Variants in CHL1 observed in about 807,000 individuals in gnomAD.
The protein encoded by CHL1 is neural cell adhesion molecule L1-like protein.
In CHL1, 96 loss-of-function variants were observed where a neutral mutation model predicts 141.9. The ratio of observed to expected loss-of-function variants is 0.68; its 90% CI spans 0.57 to 0.80. The LOEUF is 0.80. Among genes scored for constraint, CHL1 ranks in the 30% least tolerant of loss-of-function variants. CHL1 has a pLI of 0.00. For missense variants in CHL1, 1,820 were observed against 1,457.2 expected (o/e 1.25, Z -4.05); for synonymous variants, 613 against 502.2 (o/e 1.22, Z -2.95).
chr3:395,796 C>G (rs954922706), intron 24 of CHL1, among the ~76,000 whole-genome samples: 14 of 152,204 alleles, frequency 9.2e-5, no homozygotes, highest in African/African-American at 3.4e-4. Context: ...AGACTGTGTT[C>G]TGGATGCTTT....
intron 2 of CHL1, among the ~76,000 whole-genome samples, chr3:311,848 G>C (rs1352262671): frequency 6.6e-6 from 1 of 152,080 alleles, no homozygotes; most frequent in Non-Finnish European, 1.5e-5. Flanking sequence ...GAATTTCACA[G>C]CTATATAAGT....
intron 2 of CHL1, among the ~76,000 whole-genome samples, chr3:302,769 T>TG (rs1698869688): frequency 1.3e-5 from 2 of 152,240 alleles, no homozygotes; most frequent in Non-Finnish European, 2.9e-5. Flanking sequence ...TTGTCAGTGT[T>TG]GGCTTTTGTT....
intron 23 of CHL1, 42 bp downstream of exon 23, chr3:391,839 A>G (rs1242615518): frequency 6.7e-7 from 1 of 1,503,268 alleles, no homozygotes; most frequent in African/African-American, 1.4e-5. Flanking sequence ...TTAATGTTTC[A>G]TTTTTTGGTT....
chr3:337,357 A>G (rs181869888), intron 5 of CHL1, among the ~76,000 whole-genome samples: 40 of 41,606 alleles, frequency 9.6e-4, no homozygotes, highest in African/African-American at 3.3e-3. Flanking sequence ...CGCCCGGCTA[A>G]TTTTTTTATA....
chr3:350,479 T>G (rs1188948618), intron 10 of CHL1, among the ~76,000 whole-genome samples: 1 of 152,196 alleles, frequency 6.6e-6, no homozygotes, highest in Non-Finnish European at 1.5e-5. Flanking sequence ...TGAAAGGAAT[T>G]ATTCTTTTTA....
At chr3:256,120 C>T (rs774877064) in intron 2 of CHL1, among the ~76,000 whole-genome samples, 40 of 152,116 alleles carry the variant, frequency 2.6e-4, no homozygotes, top group Admixed American at 1.8e-3. Context: ...ATATTCTAAG[C>T]GAAGTAAGGA....
In CHL1 at chr3:354,772, G is replaced by GT; in HGVS notation, c.1165+2dup. 1 of 1,613,352 alleles carries GT rather than the reference G, an allele frequency of 6.2e-7. No individual in the cohort carries two copies. The stretch of plus-strand genomic sequence containing the variant: ...AGAGTCAATGGCTCCCCAGTTGACA[G>GT]TAAGTTTAAAAACCAATTGCAATGC... On this transcript the variant is annotated splice_donor_variant, in intron 11 of 27. Coordinates refer to ENST00000256509, the MANE Select transcript of CHL1 (RefSeq NM_006614.4). LOFTEE classifies it high-confidence loss of function.
At chr3:314,273 T>C (rs577669880) in intron 2 of CHL1, among the ~76,000 whole-genome samples, 13 of 141,528 alleles carry the variant, frequency 9.2e-5, no homozygotes, top group African/African-American at 3.4e-4. Flanking sequence ...ATAGAAAGAT[T>C]AGCATAACCT....
intron 5 of CHL1, among the ~76,000 whole-genome samples, chr3:333,143 T>TTTTTTTTTTTTTTTTTTTTTTTA (rs1237327395): frequency 6.9e-6 from 1 of 144,756 alleles, no homozygotes; most frequent in Non-Finnish European, 1.5e-5. Context: ...ATTTTTTTTT[T>TTTTTTTTTTTTTTTTTTTTTTTA]TTGCTGCTGC....
chr3:336,299 T>C (rs1185027288), intron 5 of CHL1, among the ~76,000 whole-genome samples: 1 of 152,190 alleles, frequency 6.6e-6, no homozygotes, highest in Non-Finnish European at 1.5e-5. Flanking sequence ...TTCTATTTTG[T>C]TCCTAGAGTG....
At chr3:247,212 C>T (rs901837311) in intron 2 of CHL1, 5 of 151,786 alleles carry the variant, frequency 3.3e-5, no homozygotes, top group African/African-American at 9.7e-5. Flanking sequence ...CATTCAAATG[C>T]TTAGTTACAC....
intron 1 of CHL1, among the ~76,000 whole-genome samples, chr3:214,775 A>G (rs764878075): frequency 2.0e-5 from 3 of 152,226 alleles, no homozygotes; most frequent in Admixed American, 6.5e-5. Flanking sequence ...TTCAATAGGA[A>G]TAAGTCCTCA....
In CHL1 at chr3:399,427, G is replaced by A. The variant is rs575687417; in HGVS notation, c.3385+279G>A. Among the ~76,000 whole-genome samples, 6 of 152,166 alleles carry A rather than the reference G, an allele frequency of 3.9e-5. No homozygotes were observed. In the South Asian group the frequency reaches 6.2e-4, roughly 16 times the overall value. On this transcript the variant is annotated intron_variant, in intron 26 of 27. Transcript: ENST00000256509. The stretch of plus-strand genomic sequence containing the variant: ...GAGGCCGAGGTGGGCGGATCATGAG[G>A]TCAGGAGATCGAGACCATCCTGGCC...
intron 9 of CHL1, 83 bp from the exon 10 acceptor site, chr3:349,276 A>G: frequency 8.3e-7 from 1 of 1,210,880 alleles, no homozygotes; most frequent in Non-Finnish European, 1.2e-6. Context: ...AAGCACCCTG[A>G]TAAAGGATGT....
intron 5 of CHL1, among the ~76,000 whole-genome samples, chr3:339,927 T>A (rs753215840): frequency 1.3e-5 from 2 of 152,146 alleles, no homozygotes; most frequent in African/African-American, 2.4e-5. Context: ...AAGATCCTTC[T>A]CCTCCACAAG....
At chr3:204,078 A>T (rs1031742474) in intron 1 of CHL1, among the ~76,000 whole-genome samples, 4 of 152,214 alleles carry the variant, frequency 2.6e-5, no homozygotes, top group East Asian at 1.9e-4. Context: ...GGGCATGCTC[A>T]TATTCAGTGG....
intron 13 of CHL1, among the ~76,000 whole-genome samples, chr3:362,979 C>A (rs962273017): frequency 6.6e-6 from 1 of 152,086 alleles, no homozygotes; most frequent in African/African-American, 2.4e-5. Context: ...GTGGCTATGA[C>A]AAATACAGCA....
At chr3:301,777 T>G (rs2124907172) in intron 2 of CHL1, among the ~76,000 whole-genome samples, 1 of 152,314 alleles carries the variant, frequency 6.6e-6, no homozygotes, top group Admixed American at 6.5e-5. Context: ...ATACTTTAAG[T>G]TCTGGGTTAC....
At position 389,433 on chromosome 3, in the gene CHL1, G is replaced by C; in HGVS notation, c.2429G>C (p.Gly810Ala). ...CAGGCTATCAATCAACTAGGATCTG[G>C]GCCTGACCCTCAGTCAGTGACTCTC... Reference protein sequence around the residue: ...KVQAINQLGSGPDPQSVTLYS... With the variant: ...KVQAINQLGSAPDPQSVTLYS... The change falls in exon 20 of 28, where the codon GGG becomes GCG. Residue 810 changes from glycine (G) to alanine (A), a missense_variant. Transcript: ENST00000256509. 6.2e-7 allele frequency: 1 copy of C among 1,614,142 alleles called. No individual in the cohort carries two copies. The highest frequency in any genetic ancestry group is 8.5e-7 in the Non-Finnish European group (1 of 1,180,042).
Sources: gnomAD v4.1 joint callset for allele counts (sites outside exome capture counted in the v4.1 genomes callset) on GRCh38, gnomAD v4.1.1 for gene constraint, MANE v1.5 for transcripts, NCBI Gene and HGNC (gene_info 2026-07-23, HGNC 2026-07-21) for gene names.